Variants in CORO2B observed in about 807,000 individuals in gnomAD.
CORO2B encodes the protein coronin 2B, also known as coronin-2B.
A neutral mutation model predicts 58.8 loss-of-function variants in CORO2B; 26 were observed. The observed-to-expected ratio is 0.44, with a 90% CI of 0.32 to 0.61. The LOEUF (loss-of-function observed/expected upper bound fraction) is 0.61. Among genes scored for constraint, CORO2B ranks in the 20% least tolerant of loss-of-function variants. CORO2B has a pLI of 0.04. For missense variants in CORO2B, 460 were observed against 645.1 expected, an observed-to-expected ratio of 0.71 and a Z score of 3.11; for synonymous variants, 242 against 253.8, an observed-to-expected ratio of 0.95 and a Z score of 0.44.
At chr15:68,539,275 CTATT>C in the CORO2B span, among the ~76,000 whole-genome samples, 6 of 152,192 alleles carry the variant, frequency 3.9e-5, no homozygotes, top group Non-Finnish European at 7.3e-5. Flanking sequence ...CAAAAGAAAA[CTATT>C]TAATGGGCCC....
chr15:68,585,325 A>T (rs138214762), intron 1 of CORO2B, among the ~76,000 whole-genome samples: 356 of 152,236 alleles, frequency 2.3e-3, no homozygotes, highest in African/African-American at 8.4e-3. Context: ...AACCTTTTCA[A>T]TCCGATCACA....
intron 1 of CORO2B, chr15:68,632,274 G>A (rs1900860855): frequency 1.0e-6 from 1 of 985,382 alleles, no homozygotes; most frequent in South Asian, 4.7e-5. Context: ...TGACAACTTG[G>A]ATGTGCAAAG....
chr15:68,616,675 C>T (rs765880894), intron 1 of CORO2B: 359 of 940,928 alleles, frequency 3.8e-4, no homozygotes, highest in Middle Eastern at 2.7e-3. Context: ...ATGTCATCTG[C>T]GAGATCTCCC....
chr15:68,521,401 T>C, the CORO2B span, among the ~76,000 whole-genome samples: 1 of 152,262 alleles, frequency 6.6e-6, no homozygotes, highest in South Asian at 2.1e-4. Flanking sequence ...CCCTACTTTT[T>C]GTGTTATTAT....
intron 1 of CORO2B, among the ~76,000 whole-genome samples, chr15:68,582,650 C>T (rs543003418): frequency 6.6e-5 from 10 of 152,294 alleles, no homozygotes; most frequent in East Asian, 1.9e-4. Context: ...TTAATAGAGT[C>T]GTGTGTAAAG....
At chr15:68,671,139 G>A (rs1902379846) in intron 2 of CORO2B, among the ~76,000 whole-genome samples, 1 of 152,194 alleles carries the variant, frequency 6.6e-6, no homozygotes, top group South Asian at 2.1e-4. Flanking sequence ...GTTCAAGAAT[G>A]TTCAATGGCA....
In CORO2B at chr15:68,590,879, C is replaced by T. The variant is rs185651626; in HGVS notation, c.15+11602C>T. Among the ~76,000 whole-genome samples, 705 of 152,218 alleles carry T rather than the reference C, an allele frequency of 4.6e-3. 6 individuals are homozygous for T. The highest frequency in any genetic ancestry group is 0.01 in the Middle Eastern group (3 of 290). Reference sequence around the variant, plus strand: ...AGGACAGCCAAGCTTATTCTGTGTTCCTCTCCACCCTGGCTGCCCTGTTCT... The same window carrying T: ...AGGACAGCCAAGCTTATTCTGTGTTTCTCTCCACCCTGGCTGCCCTGTTCT... On this transcript the variant is annotated intron_variant, in intron 1 of 11. Coordinates refer to ENST00000261861, the MANE Select transcript of CORO2B (RefSeq NM_006091.5).
rs966952437 is a variant in CORO2B at position 68,579,058 on chromosome 15, A to T, written c.-205A>T. 4.1e-6 allele frequency: 4 copies of T among 983,414 alleles called. No homozygotes were observed. In the South Asian group the frequency reaches 1.9e-4, roughly 46 times the overall value. The allele number at this position is 983,414 out of a possible 1,614,324, so 60.9% of individuals were successfully genotyped here. A position where few individuals can be genotyped will look rare whatever the true frequency, so the allele number is the denominator to read the frequency against. ...TTATAAATGCACATTCGGGGCTGAC[A>T]TCAGCGACGAGCGGCGGGCGAGCGC... is the stretch of plus-strand genomic sequence containing the variant. On this transcript the variant is annotated 5_prime_UTR_variant, in exon 1 of 12. Transcript: ENST00000261861.
At chr15:68,601,194 G>A (rs1326364983) in intron 1 of CORO2B, among the ~76,000 whole-genome samples, 1 of 152,224 alleles carries the variant, frequency 6.6e-6, no homozygotes, top group Non-Finnish European at 1.5e-5. Flanking sequence ...TCCCCTTAGT[G>A]CAGCAAACGT....
chr15:68,539,536 G>A, the CORO2B span, among the ~76,000 whole-genome samples: 5 of 151,764 alleles, frequency 3.3e-5, no homozygotes, highest in Admixed American at 2.6e-4. Flanking sequence ...TTAGCCGGTC[G>A]TGGCAGCGTG....
chr15:68,722,641 G>T (rs916053164), intron 11 of CORO2B, among the ~76,000 whole-genome samples: 2 of 152,212 alleles, frequency 1.3e-5, no homozygotes, highest in Non-Finnish European at 2.9e-5. Context: ...CTTGGAAGAC[G>T]CAAGAGTGTG....
At chr15:68,547,613 A>G in the CORO2B span, among the ~76,000 whole-genome samples, 1 of 152,046 alleles carries the variant, frequency 6.6e-6, no homozygotes, top group Non-Finnish European at 1.5e-5. Context: ...AAGTGTTGGG[A>G]TTACAGGCGT....
the CORO2B span, among the ~76,000 whole-genome samples, chr15:68,561,033 G>A: frequency 6.6e-6 from 1 of 152,188 alleles, no homozygotes; most frequent in Non-Finnish European, 1.5e-5. Context: ...ATGGCACACA[G>A]AGAGCATAGA....
At chr15:68,572,784 T>G in the CORO2B span, among the ~76,000 whole-genome samples, 1 of 152,142 alleles carries the variant, frequency 6.6e-6, no homozygotes, top group African/African-American at 2.4e-5. Flanking sequence ...AAAATCTGGT[T>G]CCAGAAAAGG....
chr15:68,561,267 C>A, the CORO2B span, among the ~76,000 whole-genome samples: 1 of 152,250 alleles, frequency 6.6e-6, no homozygotes, highest in East Asian at 1.9e-4. Context: ...CCACGCTGGG[C>A]GGCCCCCCTC....
At chr15:68,592,933 G>A (rs927154531) in intron 1 of CORO2B, among the ~76,000 whole-genome samples, 6 of 152,168 alleles carry the variant, frequency 3.9e-5, no homozygotes, top group African/African-American at 7.2e-5. Flanking sequence ...ACAGAATACC[G>A]CAGACTGGGT....
chr15:68,575,720 C>A (rs566082957), upstream of CORO2B, among the ~76,000 whole-genome samples: 9 of 152,208 alleles, frequency 5.9e-5, no homozygotes, highest in Non-Finnish European at 1.3e-4. Context: ...ATCTTCCACT[C>A]CTGTGATCAC....
chr15:68,624,826 G>C (rs1430646824), intron 1 of CORO2B, among the ~76,000 whole-genome samples: 1 of 152,108 alleles, frequency 6.6e-6, no homozygotes, highest in African/African-American at 2.4e-5. Context: ...GGGATTACGG[G>C]TGCCTACCAC....
chr15:68,585,682 T>C (rs111816512), intron 1 of CORO2B, among the ~76,000 whole-genome samples: 15 of 152,260 alleles, frequency 9.9e-5, no homozygotes, highest in South Asian at 4.1e-4. Flanking sequence ...TTGTCTGTTG[T>C]GTTTGTGGCC....
Sources: allele counts gnomAD v4.1 joint callset (sites outside exome capture counted in the v4.1 genomes callset), GRCh38; gene constraint gnomAD v4.1.1; transcripts MANE v1.5; gene names NCBI Gene and HGNC (gene_info 2026-07-23, HGNC 2026-07-21).